KANSL1: variants seen among roughly 807,000 people sequenced by gnomAD.
KANSL1 encodes KAT8 regulatory NSL complex subunit 1, also known as MLL1/MLL complex subunit KANSL1.
A neutral mutation model predicts 103.6 loss-of-function variants in KANSL1; 22 were observed. The ratio of observed to expected loss-of-function variants is 0.21; its 90% confidence interval spans 0.15 to 0.30. The LOEUF (loss-of-function observed/expected upper bound fraction) is 0.30, where lower values mean the gene tolerates loss of function less well. Ranked by LOEUF, KANSL1 falls within the 10% of genes least tolerant of loss-of-function variation. KANSL1 has a pLI of 1.00. For synonymous variants in KANSL1, 600 were observed against 527.6 expected, an observed-to-expected ratio of 1.14 and a Z score of -1.88; for missense variants, 1,337 against 1,399.8, an observed-to-expected ratio of 0.96 and a Z score of 0.72.
At chr17:46,183,585 A>G in intron 1 of KANSL1, among the ~76,000 whole-genome samples, 1 of 149,744 alleles carries the variant, frequency 6.7e-6, no homozygotes. Context: ...GAGAGGAGAG[A>G]GGAGACAGGG....
intron 1 of KANSL1, among the ~76,000 whole-genome samples, chr17:46,220,139 CAGTT>C (rs1171126842): frequency 6.6e-6 from 1 of 152,188 alleles, no homozygotes; most frequent in East Asian, 1.9e-4. Context: ...ACTATTCTCT[CAGTT>C]AGAACCCTTG....
chr17:46,088,090 C>CT (rs1376759662), intron 3 of KANSL1, among the ~76,000 whole-genome samples: 1 of 152,216 alleles, frequency 6.6e-6, no homozygotes, highest in Non-Finnish European at 1.5e-5. Flanking sequence ...CAGGATCATG[C>CT]TTAGGCTGCA....
At chr17:46,044,754 C>T (rs2077443400) in intron 7 of KANSL1, 1 of 152,124 alleles carries the variant, frequency 6.6e-6, no homozygotes, top group Admixed American at 6.5e-5. Context: ...TTTCTATCAC[C>T]CACACACACT....
intron 6 of KANSL1, among the ~76,000 whole-genome samples, chr17:46,053,994 G>GGT (rs1465343161): frequency 1.3e-5 from 2 of 152,178 alleles, no homozygotes; most frequent in Non-Finnish European, 2.9e-5. Context: ...CACAACAGAT[G>GGT]GTGTGCATGT....
chr17:46,130,457 C>T (rs1355982440), intron 2 of KANSL1, among the ~76,000 whole-genome samples: 3 of 152,176 alleles, frequency 2.0e-5, no homozygotes, highest in Non-Finnish European at 4.4e-5. Flanking sequence ...CATGTTAACA[C>T]GTGGGGGTCA....
At chr17:46,145,696 A>C (rs2044659208) in intron 2 of KANSL1, among the ~76,000 whole-genome samples, 1 of 152,222 alleles carries the variant, frequency 6.6e-6, no homozygotes, top group Non-Finnish European at 1.5e-5. Context: ...AAGCTCTAGG[A>C]AATGAGCATG....
At chr17:46,174,791 C>T (rs115111247) in intron 1 of KANSL1, among the ~76,000 whole-genome samples, 2,417 of 152,314 alleles carry the variant, frequency 0.016, 66 homozygotes, top group African/African-American at 0.052. Context: ...CCTCCTGCAT[C>T]AGCCTCCTAG....
intron 2 of KANSL1, among the ~76,000 whole-genome samples, chr17:46,168,770 G>A (rs1408063630): frequency 6.6e-6 from 1 of 152,226 alleles, no homozygotes; most frequent in Non-Finnish European, 1.5e-5. Flanking sequence ...ATTGCAAGAG[G>A]ATTCAACTGA....
At chr17:46,157,339 T>C (rs1409380479) in intron 2 of KANSL1, among the ~76,000 whole-genome samples, 1 of 152,200 alleles carries the variant, frequency 6.6e-6, no homozygotes, top group Non-Finnish European at 1.5e-5. Flanking sequence ...TTCCCTAAAT[T>C]AGTCAGCCAA....
intron 1 of KANSL1, among the ~76,000 whole-genome samples, chr17:46,202,378 T>C (rs1479256027): frequency 2.6e-5 from 4 of 152,172 alleles, no homozygotes; most frequent in Admixed American, 2.6e-4. Context: ...ATTCAATGTA[T>C]ACAGAGCAAA....
chr17:46,222,867 T>A (rs891180418), intron 1 of KANSL1: 5 of 152,366 alleles, frequency 3.3e-5, no homozygotes, highest in East Asian at 3.9e-4. Context: ...ATTTAATTTT[T>A]TTTTTAATGT....
chr17:46,103,914 G>A (rs2042423001), intron 2 of KANSL1, among the ~76,000 whole-genome samples: 1 of 152,198 alleles, frequency 6.6e-6, no homozygotes, highest in African/African-American at 2.4e-5. Flanking sequence ...TGTAGTTCCA[G>A]CTGCACGGGA....
intron 1 of KANSL1, among the ~76,000 whole-genome samples, chr17:46,187,651 G>A (rs1411758054): frequency 1.3e-5 from 2 of 152,242 alleles, no homozygotes; most frequent in Non-Finnish European, 2.9e-5. Flanking sequence ...TGTTAACACT[G>A]TGGAAGCAGC....
At chr17:46,050,875 G>A (rs2077688760) in intron 6 of KANSL1, among the ~76,000 whole-genome samples, 171 bp from the exon 7 acceptor site, 1 of 152,194 alleles carries the variant, frequency 6.6e-6, no homozygotes, top group South Asian at 2.1e-4. Flanking sequence ...TTTGTTAAAA[G>A]ATTTCCATTT....
intron 3 of KANSL1, chr17:46,092,734 T>TGGGGGG: frequency 2.9e-5 from 1 of 35,084 alleles, no homozygotes; most frequent in Non-Finnish European, 4.4e-5. Flanking sequence ...GGGGGGAGGG[T>TGGGGGG]GGGTGTCTTT....
intron 2 of KANSL1, among the ~76,000 whole-genome samples, chr17:46,129,968 T>C (rs1436466300): frequency 6.6e-6 from 1 of 151,974 alleles, no homozygotes; most frequent in East Asian, 1.9e-4. Flanking sequence ...GGCAGATCAT[T>C]TGAGCCCAGG....
chr17:46,038,615 A>G lies in KANSL1; in HGVS notation c.2464T>C (p.Leu822=). 2.5e-6 allele frequency: 4 copies of G among 1,614,162 alleles called. No homozygotes were observed. Among genetic ancestry groups the G allele is most frequent in the Non-Finnish European group, 3.4e-6 (4 of 1,180,018 alleles). ...GAGGAGGTGGAGAGCTGTCGCACCAAGGGACTGTGTGGAGGATGGTGGGTG... is the reference window on the plus strand; with the variant it reads ...GAGGAGGTGGAGAGCTGTCGCACCAGGGGACTGTGTGGAGGATGGTGGGTG... ...AATHHPPHSP[L]VRQLSTSSDS... The change falls in exon 10 of 15, where the codon TTG becomes CTG. Residue 822 remains leucine, a synonymous_variant. Transcript: ENST00000432791.
At chr17:46,191,956 T>C (rs1166882349) in intron 1 of KANSL1, among the ~76,000 whole-genome samples, 1 of 144,210 alleles carries the variant, frequency 6.9e-6, no homozygotes, top group East Asian at 2.0e-4. Context: ...AAGTACAGTT[T>C]TATTAATAAG....
chr17:46,039,172 C>A lies in KANSL1; in HGVS notation c.2247G>T (p.Gln749His), dbSNP rs1437997159. 1 of 1,606,986 alleles carries A rather than the reference C, an allele frequency of 6.2e-7. No individual in the cohort carries two copies. The highest frequency in any genetic ancestry group is 8.5e-7 in the Non-Finnish European group (1 of 1,177,724). The change falls in exon 9 of 15, where the codon CAG becomes CAT. Residue 749 changes from glutamine to histidine, a missense_variant. Coordinates refer to ENST00000432791, the MANE Select transcript of KANSL1 (RefSeq NM_015443.4). ...HQTRPDRTHRQHLDDVGAVPM... is the reference protein window; with the variant it reads ...HQTRPDRTHRHHLDDVGAVPM... ...GCACGGCCCCCACATCGTCTAAGTG[C>A]TGCCTGTGGGTCCTGTCAGGCCGGG...
Sources: allele counts gnomAD v4.1 joint callset (sites outside exome capture counted in the v4.1 genomes callset), GRCh38; gene constraint gnomAD v4.1.1; transcripts MANE v1.5; gene names NCBI Gene and HGNC (gene_info 2026-07-23, HGNC 2026-07-21).